FAF1: variants seen among roughly 807,000 people sequenced by gnomAD.
FAF1 encodes FAS-associated factor 1.
Under a neutral mutation model 92.5 loss-of-function variants are expected in FAF1, and 25 were observed. The ratio of observed to expected loss-of-function variants is 0.27; its 90% CI spans 0.20 to 0.38. The LOEUF (loss-of-function observed/expected upper bound fraction) is 0.38. Among genes scored for constraint, FAF1 ranks in the 10% least tolerant of loss-of-function variants. FAF1 has a pLI of 1.00. For synonymous variants in FAF1, 234 were observed against 273.2 expected (o/e 0.86, Z 1.42); for missense variants, 636 against 793.3 (o/e 0.80, Z 2.38).
Position 50,584,714 on chromosome 1 carries a change from G to A in FAF1, c.938C>T (p.Ala313Val), listed in dbSNP as rs371330134. The change falls in exon 10 of 19, where the codon GCG (alanine) becomes GTG (valine). Residue 313 changes from alanine (A) to valine (V), a missense_variant. Coordinates refer to ENST00000396153, the MANE Select transcript of FAF1 (RefSeq NM_007051.3). ...GVDDGEVFGM[A>V]SSALRKSPMM... ...TGGAGATTTTCTCAAGGCAGATGAC[G>A]CCATGCCAAATACTTCTCCATCATC... The A allele has an allele frequency of 1.3e-5, 21 of 1,613,278 alleles. No individual in the cohort carries two copies. The highest frequency in any genetic ancestry group is 6.7e-5 in the Admixed American group (4 of 59,986).
chr1:50,566,907 C>T (rs1650197497), intron 13 of FAF1, among the ~76,000 whole-genome samples, 170 bp downstream of exon 13: 1 of 152,056 alleles, frequency 6.6e-6, no homozygotes, highest in Admixed American at 6.6e-5. Flanking sequence ...GGTACATTTT[C>T]ACAATTGCAA....
rs77940702 is a variant in FAF1, at chr1:50,497,300, C to T, written c.1495-5499G>A. ...ACAAAAAACAAAAACAACCATCAAC[C>T]CCAGAATTCTATACCCAGTGAAAAT... On this transcript the variant is annotated intron_variant, in intron 15 of 18. Transcript: ENST00000396153. Among the ~76,000 whole-genome samples, 436 of 152,060 alleles carry T rather than the reference C, an allele frequency of 2.9e-3. 17 individuals carry two copies. The East Asian group carries it at 0.079, about 27-fold the overall frequency.
chr1:50,459,769 A>C (rs1646402523), intron 18 of FAF1, among the ~76,000 whole-genome samples: 1 of 152,194 alleles, frequency 6.6e-6, no homozygotes, highest in Admixed American at 6.5e-5. Flanking sequence ...AATAATCAAC[A>C]GTGTTGAGAA....
chr1:50,595,854 T>C (rs1651777990), intron 9 of FAF1, among the ~76,000 whole-genome samples: 2 of 152,148 alleles, frequency 1.3e-5, no homozygotes, highest in Non-Finnish European at 2.9e-5. Flanking sequence ...AGAAAGTTCT[T>C]TGTTAGCCTG....
At chr1:50,900,632 G>T (rs1644788982) in intron 1 of FAF1, among the ~76,000 whole-genome samples, 1 of 152,170 alleles carries the variant, frequency 6.6e-6, no homozygotes, top group South Asian at 2.1e-4. Context: ...TTATGAGGTT[G>T]TGAAAACTAA....
At chr1:50,507,420 C>A (rs760741373) in intron 15 of FAF1, among the ~76,000 whole-genome samples, 1 of 152,240 alleles carries the variant, frequency 6.6e-6, no homozygotes, top group African/African-American at 2.4e-5. Flanking sequence ...AACATTTTTA[C>A]GGGGACTAGT....
intron 7 of FAF1, among the ~76,000 whole-genome samples, chr1:50,694,006 T>C (rs962673120): frequency 4.6e-5 from 7 of 152,006 alleles, no homozygotes; most frequent in Admixed American, 3.3e-4. Context: ...TCATTATATA[T>C]ATACATGACA....
chr1:50,793,931 C>T (rs1302795587), intron 3 of FAF1, among the ~76,000 whole-genome samples: 1 of 152,082 alleles, frequency 6.6e-6, no homozygotes, highest in African/African-American at 2.4e-5. Context: ...CATTAACACT[C>T]AAAGGAAATG....
intron 7 of FAF1, among the ~76,000 whole-genome samples, chr1:50,698,944 T>C (rs996762509): frequency 2.0e-5 from 3 of 152,120 alleles, no homozygotes; most frequent in Non-Finnish European, 4.4e-5. Flanking sequence ...ATTGATGCAA[T>C]ATGCCTTTTA....
chr1:50,919,578 C>G (rs1057051169), intron 1 of FAF1, among the ~76,000 whole-genome samples: 5 of 151,654 alleles, frequency 3.3e-5, no homozygotes, highest in Non-Finnish European at 5.9e-5. Flanking sequence ...ACCTCCGCCT[C>G]CCGGGTTCAA....
chr1:50,938,736 CTTGAG>C (rs1645106895), intron 1 of FAF1, among the ~76,000 whole-genome samples: 1 of 152,204 alleles, frequency 6.6e-6, no homozygotes, highest in African/African-American at 2.4e-5. Flanking sequence ...TTTAATCCAT[CTTGAG>C]TTAATTCTCA....
At chr1:50,721,741 A>T (rs1017982218) in intron 6 of FAF1, among the ~76,000 whole-genome samples, 5 of 151,962 alleles carry the variant, frequency 3.3e-5, no homozygotes, top group African/African-American at 9.7e-5. Context: ...CTTCCATCTC[A>T]GCCTCCCAAG....
chr1:50,520,740 G>GT (rs1279154661), intron 15 of FAF1, among the ~76,000 whole-genome samples: 4 of 152,224 alleles, frequency 2.6e-5, no homozygotes, highest in African/African-American at 9.6e-5. Context: ...CCCAGCAACT[G>GT]GGAGGGAGGC....
intron 7 of FAF1, among the ~76,000 whole-genome samples, chr1:50,703,974 T>C (rs1657574969): frequency 6.6e-6 from 1 of 152,164 alleles, no homozygotes; most frequent in Admixed American, 6.6e-5. Flanking sequence ...TATTTTCCCA[T>C]CGAAACAGTA....
chr1:50,794,147 A>G (rs998510280), intron 3 of FAF1, among the ~76,000 whole-genome samples: 1 of 152,236 alleles, frequency 6.6e-6, no homozygotes, highest in African/African-American at 2.4e-5. Context: ...ACACACCACA[A>G]AAATACAAGG....
intron 1 of FAF1, among the ~76,000 whole-genome samples, chr1:50,953,757 G>C (rs1227772156): frequency 1.3e-5 from 2 of 151,794 alleles, no homozygotes; most frequent in African/African-American, 2.4e-5. Context: ...AAAAAAGAAA[G>C]AAAAGAAAAT....
At chr1:50,462,931 G>A (rs549557293) in intron 18 of FAF1, among the ~76,000 whole-genome samples, 60 of 152,310 alleles carry the variant, frequency 3.9e-4, no homozygotes, top group African/African-American at 1.4e-3. Flanking sequence ...TATATATTCA[G>A]AGAAAGGTTA....
chr1:50,746,155 A>C (rs185309683), intron 4 of FAF1, among the ~76,000 whole-genome samples: 196 of 149,970 alleles, frequency 1.3e-3, no homozygotes, highest in African/African-American at 4.7e-3. Flanking sequence ...TGGAGGAAGA[A>C]ATTTCTAAGG....
chr1:50,515,111 G>C (rs1191816937), intron 15 of FAF1, among the ~76,000 whole-genome samples: 1 of 152,176 alleles, frequency 6.6e-6, no homozygotes, highest in Non-Finnish European at 1.5e-5. Context: ...AGATGAGTAA[G>C]ACAGTTTCCT....
Sources: gnomAD v4.1 joint callset for allele counts (sites outside exome capture counted in the v4.1 genomes callset) on GRCh38, gnomAD v4.1.1 for gene constraint, MANE v1.5 for transcripts, NCBI Gene and HGNC (gene_info 2026-07-23, HGNC 2026-07-21) for gene names.